The following CHD2 variants were observed in gnomAD, a reference collection of about 807,000 sequenced individuals.
The protein encoded by CHD2 is chromodomain helicase DNA binding protein 2.
In CHD2, 28 loss-of-function variants were observed where a neutral mutation model predicts 243.9. That is an observed-to-expected ratio of 0.11 (90% CI 0.09 to 0.16). The LOEUF (loss-of-function observed/expected upper bound fraction) is 0.16, where lower values mean the gene tolerates loss of function less well. Ranked by LOEUF, CHD2 falls within the 10% of genes least tolerant of loss-of-function variation. The pLI is 1.00. For synonymous variants in CHD2, 775 were observed against 779.0 expected (o/e 0.99, Z 0.09); for missense variants, 1,386 against 2,209.8 (o/e 0.63, Z 7.47).
intron 36 of CHD2, 79 bp downstream of exon 36, chr15:93,012,523 T>C (rs2054405685): frequency 3.0e-6 from 3 of 993,802 alleles, no homozygotes; most frequent in South Asian, 3.0e-5. Flanking sequence ...TGTTTTTCCA[T>C]GGGGAGATGA....
At chr15:92,904,929 G>A in intron 2 of CHD2, 2 of 1,536,014 alleles carry the variant, frequency 1.3e-6, no homozygotes, top group Non-Finnish European at 8.7e-7. Context: ...ACAAAGGGAA[G>A]ATTATTTGAA....
Position 93,014,793 on chromosome 15 carries a change from C to T in CHD2, c.4790C>T (p.Thr1597Ile). 1.2e-6 allele frequency: 2 copies of T among 1,614,168 alleles called. No individual in the cohort carries two copies. Among genetic ancestry groups the T allele is most frequent in the African/African-American group, 1.3e-5 (1 of 75,024 alleles). Residue 1597 changes from threonine to isoleucine, a missense_variant, in exon 37 of 39, where the codon ACC becomes ATC. This residue lies in a region of CHD2 where 347 missense variants were observed against 341.6 expected (regional missense o/e 1.02). Coordinates refer to ENST00000394196, the MANE Select transcript of CHD2 (RefSeq NM_001271.4). Reference sequence around the variant, plus strand: ...GACTCTCTGATATCTCAGTCCCATACCTCACACAACCTTCACCCTCAGAAG... The same window carrying T: ...GACTCTCTGATATCTCAGTCCCATATCTCACACAACCTTCACCCTCAGAAG... Reference protein sequence around the residue: ...SRDSLISQSHTSHNLHPQKPH... With the variant: ...SRDSLISQSHISHNLHPQKPH...
chr15:92,968,166 A>G (rs2053792081), intron 17 of CHD2, among the ~76,000 whole-genome samples: 2 of 152,044 alleles, frequency 1.3e-5, no homozygotes, highest in African/African-American at 4.8e-5. Flanking sequence ...AGGAAACTGA[A>G]TTTATGTTTT....
chr15:92,928,931 A>T, intron 4 of CHD2, 99 bp from the exon 5 acceptor site: 1 of 1,070,244 alleles, frequency 9.3e-7, no homozygotes, highest in Non-Finnish European at 1.3e-6. Flanking sequence ...CATATTGAAT[A>T]ATGGTATATT....
chr15:92,928,261 G>A (rs569568856), intron 4 of CHD2, among the ~76,000 whole-genome samples: 4 of 152,256 alleles, frequency 2.6e-5, no homozygotes, highest in South Asian at 2.1e-4. Flanking sequence ...ATAGTGTCTC[G>A]CACTAGGTTA....
intron 2 of CHD2, 186 bp from the exon 3 acceptor site, chr15:92,924,135 G>C: frequency 1.9e-6 from 1 of 516,708 alleles, no homozygotes; most frequent in Non-Finnish European, 3.5e-6. Context: ...GGTAGCTATT[G>C]GGGATTTTGA....
chr15:93,019,743 A>C (rs55675444), intron 37 of CHD2, among the ~76,000 whole-genome samples: 1 of 152,022 alleles, frequency 6.6e-6, no homozygotes, highest in Non-Finnish European at 1.5e-5. Context: ...AGACCAGCCT[A>C]GCCAACATGG....
At chr15:93,006,163 G>C in intron 34 of CHD2, among the ~76,000 whole-genome samples, 1 of 114,920 alleles carries the variant, frequency 8.7e-6, no homozygotes, top group East Asian at 2.6e-4. Context: ...GTCTTGCTCT[G>C]TTGCCCAGGC....
At chr15:92,953,673 T>C (rs2053581453) in intron 14 of CHD2, 100 bp downstream of exon 14, 1 of 1,078,460 alleles carries the variant, frequency 9.3e-7, no homozygotes, top group Non-Finnish European at 1.4e-6. Flanking sequence ...TTTGTGGTTA[T>C]TATTCTGATA....
chr15:93,021,653 C>G (rs1269705807), intron 38 of CHD2: 6 of 152,220 alleles, frequency 3.9e-5, no homozygotes, highest in Admixed American at 6.5e-5. Flanking sequence ...TGAGGCCCAT[C>G]CAGTGTACTT....
intron 11 of CHD2, 49 bp from the exon 12 acceptor site, chr15:92,945,989 A>T (rs2053461651): frequency 2.6e-6 from 4 of 1,515,514 alleles, no homozygotes; most frequent in Non-Finnish European, 3.6e-6. Flanking sequence ...GTCATTTTTC[A>T]CTTTTAATTG....
At chr15:92,925,701 G>A (rs531361046) in intron 3 of CHD2, among the ~76,000 whole-genome samples, 1 of 152,156 alleles carries the variant, frequency 6.6e-6, no homozygotes, top group African/African-American at 2.4e-5. Flanking sequence ...TATGTTTACT[G>A]CCTCTACCTA....
At chr15:93,003,629 G>A (rs1307666726) in intron 33 of CHD2, among the ~76,000 whole-genome samples, 1 of 129,604 alleles carries the variant, frequency 7.7e-6, no homozygotes, top group Middle Eastern at 3.8e-3. Context: ...GATATCTTTT[G>A]TATTTCATGA....
intron 2 of CHD2, chr15:92,901,545 A>ATT (rs2052528994): frequency 1.9e-6 from 1 of 532,450 alleles, no homozygotes; most frequent in African/African-American, 1.9e-5. Context: ...AGGTACCTTT[A>ATT]TTCAAAGGGG....
Position 92,967,461 on chromosome 15 carries a change from G to A in CHD2, c.2137G>A (p.Val713Met). The part of the protein sequence containing the change: ...KDVEKSLPAK[V>M]EQILRVEMSA... ...TGTGGAGAAATCCCTTCCTGCTAAA[G>A]TGGAACAGATTCTCAGGGTGGAGAT... Residue 713 changes from valine to methionine, a missense_variant, in exon 17 of 39, where the codon GTG becomes ATG. This residue lies in a region of CHD2 where 118 missense variants were observed against 266.3 expected (regional missense o/e 0.44). Transcript: ENST00000394196. 6.2e-7 allele frequency: 1 copy of A among 1,614,022 alleles called. No individual in the cohort carries two copies. Among genetic ancestry groups the A allele is most frequent in the Non-Finnish European group, 8.5e-7 (1 of 1,179,970 alleles).
At chr15:92,913,177 T>C (rs2052772637) in intron 2 of CHD2, among the ~76,000 whole-genome samples, 1 of 152,248 alleles carries the variant, frequency 6.6e-6, no homozygotes, top group African/African-American at 2.4e-5. Flanking sequence ...CCTCAGTTGA[T>C]TCTTGTACTG....
chr15:92,936,404 C>G (rs764948645), intron 5 of CHD2, among the ~76,000 whole-genome samples: 1 of 152,188 alleles, frequency 6.6e-6, no homozygotes, highest in Non-Finnish European at 1.5e-5. Context: ...CAGTTTTTTC[C>G]TAGGTATTTC....
In CHD2 at chr15:93,012,389, G is replaced by A. The variant is rs1430565994; in HGVS notation, c.4637G>A (p.Arg1546Gln). 2 of 1,607,292 alleles carry A rather than the reference G, an allele frequency of 1.2e-6. No homozygotes were observed. Among genetic ancestry groups the A allele is most frequent in the Non-Finnish European group, 8.5e-7 (1 of 1,178,004 alleles). ...TCCAAGTTTACAGAATTTGATGCTC[G>A]AAAACTGCATAAGTTATACAAGATG... ...FVSKFTEFDARKLHKLYKMAH... is the reference protein window; with the variant it reads ...FVSKFTEFDAQKLHKLYKMAH... The change falls in exon 36 of 39, where the codon CGA becomes CAA. Residue 1546 changes from arginine to glutamine, a missense_variant. Coordinates refer to ENST00000394196, the MANE Select transcript of CHD2 (RefSeq NM_001271.4).
chr15:92,991,334 A>G, intron 26 of CHD2, 142 bp from the exon 27 acceptor site: 3 of 507,664 alleles, frequency 5.9e-6, no homozygotes, highest in Non-Finnish European at 1.1e-5. Context: ...ACATTTATTC[A>G]TTTTTTTGGT....
Sources: gnomAD v4.1 joint callset for allele counts (sites outside exome capture counted in the v4.1 genomes callset) on GRCh38, gnomAD v4.1.1 for gene constraint, gnomAD v4.1.1 regional missense constraint, MANE v1.5 for transcripts, NCBI Gene and HGNC (gene_info 2026-07-23, HGNC 2026-07-21) for gene names.